Variants in AHI1 observed in about 807,000 individuals in gnomAD.
AHI1 encodes Abelson helper integration site 1.
AHI1 carries 123 observed loss-of-function variants against 149.3 expected under a neutral mutation model. The observed-to-expected ratio is 0.82, with a 90% CI of 0.71 to 0.96. The LOEUF is 0.96. Ranked by LOEUF, AHI1 falls within the 40% of genes least tolerant of loss-of-function variation. AHI1 has a pLI of 0.00. For missense variants in AHI1, 1,439 were observed against 1,422.7 expected (o/e 1.01, Z -0.18); for synonymous variants, 475 against 459.8 (o/e 1.03, Z -0.42).
At chr6:135,404,412 GAATA>G (rs1780459379) in intron 22 of AHI1, among the ~76,000 whole-genome samples, 1 of 152,102 alleles carries the variant, frequency 6.6e-6, no homozygotes, top group African/African-American at 2.4e-5. Flanking sequence ...CACTCAACCT[GAATA>G]AACTTCAGTC....
chr6:135,467,489 T>C, intron 6 of AHI1, 92 bp downstream of exon 6: 1 of 1,035,994 alleles, frequency 9.7e-7, no homozygotes, highest in Non-Finnish European at 1.5e-6. Context: ...AAAAACAGAA[T>C]GGACAAAAAC....
chr6:135,290,889 T>C (rs1782263674), intron 27 of AHI1, among the ~76,000 whole-genome samples: 1 of 148,076 alleles, frequency 6.8e-6, no homozygotes, highest in Non-Finnish European at 1.5e-5. Context: ...GAAAGTTCTA[T>C]CAACTTAGGT....
At chr6:135,292,017 T>C (rs1782413965) in intron 27 of AHI1, among the ~76,000 whole-genome samples, 2 of 152,202 alleles carry the variant, frequency 1.3e-5, no homozygotes, top group African/African-American at 4.8e-5. Flanking sequence ...TCAAAGAATG[T>C]AGAGCTGTGG....
intron 27 of AHI1, among the ~76,000 whole-genome samples, chr6:135,298,894 C>A (rs757339229): frequency 6.6e-6 from 1 of 151,792 alleles, no homozygotes; most frequent in Non-Finnish European, 1.5e-5. Flanking sequence ...TTTTCATTTG[C>A]GTAATATTAA....
intron 23 of AHI1, among the ~76,000 whole-genome samples, chr6:135,387,274 T>G (rs1003023781): frequency 3.9e-5 from 6 of 152,204 alleles, no homozygotes; most frequent in Non-Finnish European, 5.9e-5. Context: ...CTGGGGATTA[T>G]GTTCTTAGAG....
intron 24 of AHI1, among the ~76,000 whole-genome samples, chr6:135,343,553 G>A (rs1790696760): frequency 6.6e-6 from 1 of 150,810 alleles, no homozygotes; most frequent in South Asian, 2.1e-4. Flanking sequence ...ATGGATCAAT[G>A]CAAAAAAATT....
intron 8 of AHI1, among the ~76,000 whole-genome samples, chr6:135,459,402 G>C (rs1789505137): frequency 6.6e-6 from 1 of 152,060 alleles, no homozygotes; most frequent in African/African-American, 2.4e-5. Flanking sequence ...GCATATAAAA[G>C]AAGACTGAAA....
At chr6:135,286,875 C>A (rs1781750948) in intron 28 of AHI1, among the ~76,000 whole-genome samples, 1 of 151,784 alleles carries the variant, frequency 6.6e-6, no homozygotes, top group South Asian at 2.1e-4. Context: ...AGGTATAATA[C>A]CACTAGGGGC....
intron 23 of AHI1, among the ~76,000 whole-genome samples, chr6:135,366,651 T>C (rs963897176): frequency 1.3e-5 from 2 of 152,236 alleles, no homozygotes; most frequent in Non-Finnish European, 2.9e-5. Context: ...TCATTTCTAA[T>C]TGAGCTTATT....
At position 135,465,863 on chromosome 6, in the gene AHI1, T is replaced by C. The variant is rs1383878166; in HGVS notation, c.700A>G (p.Lys234Glu). ...LFHDDKLSSEKRKKKKEVPVF... is the reference protein window; with the variant it reads ...LFHDDKLSSEERKKKKEVPVF... ...GGAACTTCCTTTTTCTTTTTCCTTT[T>C]TTCACTGCTTAGTTTGTCATCATGG... Residue 234 changes from lysine (K) to glutamate (E), a missense_variant, in exon 7 of 29, where the codon AAA becomes GAA. By Grantham distance (56) the Lys-to-Glu change is moderately conservative. Coordinates refer to ENST00000265602, the MANE Select transcript of AHI1 (RefSeq NM_001134831.2). The C allele has an allele frequency of 2.0e-6, 3 of 1,494,832 alleles. No homozygotes were observed. Among genetic ancestry groups the C allele is most frequent in the Non-Finnish European group, 2.7e-6 (3 of 1,126,494 alleles). 92.6% of individuals were successfully genotyped at this position (1,494,832 alleles called of 1,614,324 possible). A position where few individuals can be genotyped will look rare whatever the true frequency, so the allele number is the denominator to read the frequency against.
At chr6:135,294,633 G>T (rs1451379186) in intron 27 of AHI1, among the ~76,000 whole-genome samples, 1 of 146,754 alleles carries the variant, frequency 6.8e-6, no homozygotes, top group Non-Finnish European at 1.5e-5. Context: ...AAGGTGCAAA[G>T]GCCATTCAGT....
Position 135,433,268 on chromosome 6 carries a change from TAAG to T in AHI1, c.2037-15_2037-13del. 6.4e-7 allele frequency: 1 copy of T among 1,567,608 alleles called. No individual in the cohort carries two copies. Among genetic ancestry groups the T allele is most frequent in the Non-Finnish European group, 8.8e-7 (1 of 1,141,188 alleles). On this transcript the variant is annotated splice_polypyrimidine_tract_variant and intron_variant, in intron 15 of 28. Transcript: ENST00000265602. ...CATTTTTCCATATCCTGGAAAAGGA[TAAG>T]AAGTTACATATTGCTTCTGAAAAGC... is the stretch of plus-strand genomic sequence containing the variant.
intron 23 of AHI1, among the ~76,000 whole-genome samples, chr6:135,385,226 T>C (rs754422716): frequency 4.6e-5 from 7 of 152,138 alleles, no homozygotes; most frequent in Non-Finnish European, 1.0e-4. Context: ...TGAAGATAAA[T>C]ATCTGAAAAT....
intron 23 of AHI1, among the ~76,000 whole-genome samples, chr6:135,369,116 C>CCTATATTTCACTATATATTTCACTCGG (rs1774648583): frequency 6.6e-6 from 1 of 152,216 alleles, no homozygotes; most frequent in East Asian, 1.9e-4. Flanking sequence ...TTCCTCTACC[C>CCTATATTTCACTATATATTTCACTCGG]CTATATTTCA....
Position 135,438,355 on chromosome 6 carries a change from T to C in AHI1, c.2036+20A>G, listed in dbSNP as rs757547033. ...TGACAGCAAACAGCATGCACATAAGTACTTCTCAAGGATACTAACCTGGCA... is the reference window on the plus strand; with the variant it reads ...TGACAGCAAACAGCATGCACATAAGCACTTCTCAAGGATACTAACCTGGCA... On this transcript the variant is annotated intron_variant, in intron 15 of 28. Coordinates refer to ENST00000265602, the MANE Select transcript of AHI1 (RefSeq NM_001134831.2). The C allele has an allele frequency of 2.0e-5, 31 of 1,573,766 alleles. No homozygotes were observed. The highest frequency in any genetic ancestry group is 2.7e-5 in the Non-Finnish European group (31 of 1,157,554).
chr6:135,490,869 A>T (rs1005444610), intron 4 of AHI1, 122 bp from the exon 5 acceptor site: 75 of 1,177,352 alleles, frequency 6.4e-5, no homozygotes, highest in Non-Finnish European at 7.9e-5. Context: ...GCTACATTAG[A>T]AAAACTCACC....
At chr6:135,289,486 C>T (rs1249471886) in intron 28 of AHI1, among the ~76,000 whole-genome samples, 2 of 151,902 alleles carry the variant, frequency 1.3e-5, no homozygotes, top group African/African-American at 4.9e-5. Context: ...CAGAGCAAGA[C>T]GTCTCAAAAC....
chr6:135,309,478 C>T (rs1253949674), intron 26 of AHI1, among the ~76,000 whole-genome samples: 1 of 149,810 alleles, frequency 6.7e-6, no homozygotes, highest in Non-Finnish European at 1.5e-5. Flanking sequence ...CAAATAAGCA[C>T]TTTAGTTTTT....
At chr6:135,346,009 A>C (rs1224188142) in intron 24 of AHI1, among the ~76,000 whole-genome samples, 1 of 152,180 alleles carries the variant, frequency 6.6e-6, no homozygotes, top group Non-Finnish European at 1.5e-5. Flanking sequence ...TGGAAATATA[A>C]TCAAAGGAGA....
Sources: gnomAD v4.1 joint callset for allele counts (sites outside exome capture counted in the v4.1 genomes callset) on GRCh38, gnomAD v4.1.1 for gene constraint, MANE v1.5 for transcripts, NCBI Gene and HGNC (gene_info 2026-07-23, HGNC 2026-07-21) for gene names.